Variants in DPYSL2 observed in about 807,000 individuals in gnomAD.
DPYSL2 encodes the protein dihydropyrimidinase-related protein 2.
DPYSL2 carries 13 observed loss-of-function variants against 69.9 expected under a neutral mutation model. The observed-to-expected ratio is 0.19, with a 90% confidence interval of 0.12 to 0.30. The LOEUF is 0.30. DPYSL2 is among the 10% of genes least tolerant of loss of function. The probability of loss-of-function intolerance (pLI) is 1.00; values close to 1 mark genes in which losing one functional copy is unlikely to be tolerated. For synonymous variants in DPYSL2, 326 were observed against 359.1 expected (o/e 0.91, Z 1.04); for missense variants, 587 against 918.9 (o/e 0.64, Z 4.67).
chr8:26,569,765 A>G (rs1801209628), intron 1 of DPYSL2, among the ~76,000 whole-genome samples: 1 of 152,184 alleles, frequency 6.6e-6, no homozygotes, highest in African/African-American at 2.4e-5. Context: ...GCCTCCCTGA[A>G]GCAGGGATGC....
At position 26,624,937 on chromosome 8, in the gene DPYSL2, G is replaced by C. The variant is rs557311513; in HGVS notation, c.793+630G>C. Among the ~76,000 whole-genome samples, 1 of 152,222 alleles carries C rather than the reference G, an allele frequency of 6.6e-6. No homozygotes were observed. Among genetic ancestry groups the C allele is most frequent in the South Asian group, 2.1e-4 (1 of 4,816 alleles). On this transcript the variant is annotated intron_variant, in intron 4 of 13. Transcript: ENST00000521913. This position sits in a 1 kb window ranked among gnomAD's most constrained non-coding sequence, Gnocchi z 4.7. The stretch of plus-strand genomic sequence containing the variant: ...TCGGGGGTTTGCGGGGAAGAGCCAG[G>C]CCACATCATCTTCCTGGGTCTCGCT...
chr8:26,615,839 G>T (rs62491959), intron 3 of DPYSL2, among the ~76,000 whole-genome samples: 60 of 152,198 alleles, frequency 3.9e-4, no homozygotes, highest in African/African-American at 1.4e-3. Flanking sequence ...TTAGCATTGC[G>T]GGAGAAACAG....
At chr8:26,576,498 G>A (rs2585456) in intron 1 of DPYSL2, among the ~76,000 whole-genome samples, 39,714 of 151,818 alleles carry the variant, frequency 0.26, 5,304 homozygotes, top group South Asian at 0.38. Context: ...CCTCCCACGG[G>A]GGTTGGCCTC....
intron 1 of DPYSL2, among the ~76,000 whole-genome samples, chr8:26,552,155 A>T (rs996426995): frequency 1.3e-5 from 2 of 152,336 alleles, no homozygotes; most frequent in South Asian, 4.1e-4. Flanking sequence ...CAAGGAAGAC[A>T]TCTCAAAAGA....
chr8:26,603,179 A>G (rs1369410063), intron 3 of DPYSL2, among the ~76,000 whole-genome samples: 1 of 151,720 alleles, frequency 6.6e-6, no homozygotes, highest in Non-Finnish European at 1.5e-5. Flanking sequence ...TTTTATTTTT[A>G]TTATTTTTTT....
intron 1 of DPYSL2, among the ~76,000 whole-genome samples, chr8:26,518,934 C>G (rs940428281): frequency 2.0e-5 from 3 of 152,160 alleles, no homozygotes; most frequent in Non-Finnish European, 4.4e-5. Context: ...ATAGGCTTCC[C>G]CAGGTCTGGG....
Position 26,617,653 on chromosome 8 carries a change from G to A in DPYSL2, c.629-6490G>A, listed in dbSNP as rs116463542. On this transcript the variant is annotated intron_variant, in intron 3 of 13. Transcript: ENST00000521913. The surrounding 1 kb of genome is among the most constrained non-coding windows in gnomAD (Gnocchi z 4.7). ...CCAAAATGCAGAACATTAGGGAACC[G>A]CTTGAGGCAGGAGGGGAAGGAAGCA... Among the ~76,000 whole-genome samples, 208 of 152,314 alleles carry A rather than the reference G, an allele frequency of 1.4e-3. 1 individual carries two copies. The highest frequency in any genetic ancestry group is 4.8e-3 in the African/African-American group (200 of 41,562).
chr8:26,590,660 G>A (rs1456574118), intron 3 of DPYSL2, among the ~76,000 whole-genome samples: 2 of 151,080 alleles, frequency 1.3e-5, no homozygotes, highest in African/African-American at 2.4e-5. Context: ...GTGTCACTGC[G>A]TGAATCTCGG....
chr8:26,584,039 T>A, intron 3 of DPYSL2, 56 bp downstream of exon 3: 1 of 1,534,766 alleles, frequency 6.5e-7, no homozygotes, highest in Non-Finnish European at 8.9e-7. Context: ...AGTTTGCAAA[T>A]AAGTCTATTG....
rs975430260 is a variant in DPYSL2 at position 26,591,279 on chromosome 8, G to A, written c.628+7296G>A. ...CTGATTGACAGCTGGAACCGGGAGT[G>A]GAGGTGGGGCCCATGGGAATGCTAG... On this transcript the variant is annotated intron_variant, in intron 3 of 13. Transcript: ENST00000521913. This position sits in a 1 kb window ranked among gnomAD's most constrained non-coding sequence, Gnocchi z 5.8. Among the ~76,000 whole-genome samples, 1 of 152,220 alleles carries A rather than the reference G, an allele frequency of 6.6e-6. No individual in the cohort carries two copies. Among genetic ancestry groups the A allele is most frequent in the Non-Finnish European group, 1.5e-5 (1 of 68,030 alleles).
At chr8:26,561,952 T>C (rs1801078240) in intron 1 of DPYSL2, among the ~76,000 whole-genome samples, 1 of 152,086 alleles carries the variant, frequency 6.6e-6, no homozygotes, top group South Asian at 2.1e-4. Flanking sequence ...GACCCCTGCG[T>C]TAATATACCA....
At chr8:26,632,616 A>G (rs926213332) in intron 7 of DPYSL2, among the ~76,000 whole-genome samples, 3 of 152,152 alleles carry the variant, frequency 2.0e-5, no homozygotes, top group African/African-American at 7.2e-5. Context: ...AGGTGGGAAG[A>G]TTGCTTGAGC....
intron 1 of DPYSL2, among the ~76,000 whole-genome samples, chr8:26,539,032 A>G (rs1800639369): frequency 6.6e-6 from 1 of 152,062 alleles, no homozygotes; most frequent in Non-Finnish European, 1.5e-5. Context: ...TGTTGTTCCC[A>G]TCTTTATGTC....
intron 1 of DPYSL2, among the ~76,000 whole-genome samples, chr8:26,573,067 C>T (rs904306671): frequency 1.3e-5 from 2 of 152,178 alleles, no homozygotes; most frequent in African/African-American, 4.8e-5. Flanking sequence ...CCGTGTTCTA[C>T]CAGGCTTGCT....
Position 26,556,880 on chromosome 8 carries a change from A to G in DPYSL2, c.355-25089A>G, listed in dbSNP as rs984188251. 3.9e-5 allele frequency among the ~76,000 whole-genome samples: 6 copies of G among 152,222 alleles called. 1 individual carries two copies. Among genetic ancestry groups the G allele is most frequent in the Admixed American group, 3.9e-4 (6 of 15,274 alleles). On this transcript the variant is annotated intron_variant, in intron 1 of 13. Coordinates refer to ENST00000521913, the MANE Select transcript of DPYSL2 (RefSeq NM_001197293.3). ...TGCCAAGACAGTGTGGTAGATAAAC[A>G]GATCAAGGGAAGAGAGCAGAGAGCC... is the stretch of plus-strand genomic sequence containing the variant.
rs1803321959 is a variant in DPYSL2, at chr8:26,653,531, C to T, written c.1942+134C>T. 2 of 976,658 alleles carry T rather than the reference C, an allele frequency of 2.0e-6. No homozygotes were observed. The highest frequency in any genetic ancestry group is 1.6e-5 in the African/African-American group (1 of 61,140). 60.5% of individuals were successfully genotyped at this position (976,658 alleles called of 1,614,324 possible). On this transcript the variant is annotated intron_variant, in intron 13 of 13. Transcript: ENST00000521913. This position sits in a 1 kb window ranked among gnomAD's most constrained non-coding sequence, Gnocchi z 5.7. ...CCCTTTCTCTCCAACGTGAGAAATACAGTGGACTCAGATCTCTGGAGATGT... is the reference window on the plus strand; with the variant it reads ...CCCTTTCTCTCCAACGTGAGAAATATAGTGGACTCAGATCTCTGGAGATGT...
At chr8:26,575,850 A>G (rs1180498221) in intron 1 of DPYSL2, among the ~76,000 whole-genome samples, 1 of 152,174 alleles carries the variant, frequency 6.6e-6, no homozygotes, top group Non-Finnish European at 1.5e-5. Context: ...CTCCCTTGCC[A>G]AGTAGTTTTT....
chr8:26,541,166 T>A (rs1264810274), intron 1 of DPYSL2, among the ~76,000 whole-genome samples: 1 of 152,244 alleles, frequency 6.6e-6, no homozygotes, highest in Non-Finnish European at 1.5e-5. Context: ...AAAAGTGATT[T>A]GTCATTTTTA....
chr8:26,540,904 CAA>C (rs56376341), intron 1 of DPYSL2, among the ~76,000 whole-genome samples: 18 of 102,684 alleles, frequency 1.8e-4, no homozygotes, highest in African/African-American at 3.6e-4. Context: ...GACTCTGTCT[CAA>C]AAAAAAAAAA....
Sources: gnomAD v4.1 joint callset for allele counts (sites outside exome capture counted in the v4.1 genomes callset) on GRCh38, gnomAD v4.1.1 for gene constraint, Gnocchi (gnomAD v3.1) non-coding constraint, MANE v1.5 for transcripts, NCBI Gene and HGNC (gene_info 2026-07-23, HGNC 2026-07-21) for gene names.